Variants in TRDN observed in about 807,000 individuals in gnomAD.
TRDN encodes triadin in skeletal muscle.
A neutral mutation model predicts 149.7 loss-of-function variants in TRDN; 161 were observed. The observed-to-expected ratio is 1.08, with a 90% CI of 0.95 to 1.23. The LOEUF (loss-of-function observed/expected upper bound fraction) is 1.23, where lower values mean the gene tolerates loss of function less well. Ranked by LOEUF, TRDN falls within the 50% of genes most tolerant of loss-of-function variation. The probability of loss-of-function intolerance (pLI) is 0.00; values close to 1 mark genes in which losing one functional copy is unlikely to be tolerated. For synonymous variants in TRDN, 294 were observed against 250.5 expected (o/e 1.17, Z -1.64); for missense variants, 896 against 823.5 (o/e 1.09, Z -1.08).
intron 2 of TRDN, among the ~76,000 whole-genome samples, chr6:123,564,077 C>T (rs568394149): frequency 6.6e-6 from 1 of 152,208 alleles, no homozygotes; most frequent in East Asian, 1.9e-4. Context: ...TTATCTTTTT[C>T]CTCATTTCAT....
intron 19 of TRDN, among the ~76,000 whole-genome samples, chr6:123,372,161 T>A (rs1781349492): frequency 6.6e-6 from 1 of 151,940 alleles, no homozygotes; most frequent in African/African-American, 2.4e-5. Flanking sequence ...CCAGAGTATT[T>A]AAACTGAGTC....
chr6:123,336,097 T>C (rs77384942), intron 22 of TRDN, among the ~76,000 whole-genome samples: 8,039 of 151,394 alleles, frequency 0.053, 701 homozygotes, highest in African/African-American at 0.18. Context: ...ATAGTGTATG[T>C]CCAATGCATC....
chr6:123,296,882 C>A (rs992048957), intron 24 of TRDN, among the ~76,000 whole-genome samples: 2 of 151,896 alleles, frequency 1.3e-5, no homozygotes, highest in Non-Finnish European at 2.9e-5. Context: ...ATTTGGTAAA[C>A]AAGAATTGTC....
intron 5 of TRDN, among the ~76,000 whole-genome samples, chr6:123,527,195 T>C (rs2114318472): frequency 6.6e-6 from 1 of 152,194 alleles, no homozygotes; most frequent in South Asian, 2.1e-4. Context: ...TTTAGTTTAT[T>C]TATTAATTAG....
chr6:123,334,988 T>C (rs1373555065), intron 22 of TRDN, among the ~76,000 whole-genome samples: 1 of 152,018 alleles, frequency 6.6e-6, no homozygotes, highest in South Asian at 2.1e-4. Flanking sequence ...ACAACGCTAA[T>C]AAAATAAGTG....
At chr6:123,309,851 T>C (rs1778749741) in intron 24 of TRDN, among the ~76,000 whole-genome samples, 1 of 152,016 alleles carries the variant, frequency 6.6e-6, no homozygotes. Context: ...TACAAATATA[T>C]AAATCGATTA....
intron 4 of TRDN, among the ~76,000 whole-genome samples, chr6:123,538,254 T>C (rs1397812583): frequency 6.6e-6 from 1 of 152,190 alleles, no homozygotes; most frequent in Non-Finnish European, 1.5e-5. Context: ...TTTATTCACT[T>C]AAACATAGAA....
intron 4 of TRDN, 55 bp downstream of exon 4, chr6:123,547,285 A>T: frequency 9.0e-7 from 1 of 1,115,350 alleles, no homozygotes; most frequent in Non-Finnish European, 1.2e-6. Context: ...CCATGCTGAA[A>T]ACCAATATTA....
At chr6:123,393,285 A>G (rs564970637) in intron 13 of TRDN, among the ~76,000 whole-genome samples, 95 of 152,228 alleles carry the variant, frequency 6.2e-4, no homozygotes, top group Middle Eastern at 6.8e-3. Flanking sequence ...TGAAAATTAT[A>G]GAAAAGTGTA....
chr6:123,332,346 A>C (rs1779691374), intron 22 of TRDN, among the ~76,000 whole-genome samples: 1 of 152,046 alleles, frequency 6.6e-6, no homozygotes. Context: ...AAAATCCTGC[A>C]CATATCATGT....
At chr6:123,391,672 T>A (rs1772475544) in intron 13 of TRDN, among the ~76,000 whole-genome samples, 3 of 152,008 alleles carry the variant, frequency 2.0e-5, no homozygotes, top group Non-Finnish European at 1.5e-5. Context: ...ATAATAGTTA[T>A]AAATAAATAT....
intron 21 of TRDN, 118 bp downstream of exon 21, chr6:123,352,421 G>T: frequency 6.9e-7 from 1 of 1,459,102 alleles, no homozygotes; most frequent in South Asian, 1.5e-5. Context: ...CAAGGACAGT[G>T]ATAAAGAGTA....
intron 38 of TRDN, among the ~76,000 whole-genome samples, chr6:123,246,364 G>C (rs570721665): frequency 6.6e-6 from 1 of 151,864 alleles, no homozygotes; most frequent in African/African-American, 2.4e-5. Flanking sequence ...AAAGAAAGAA[G>C]AATCAAATAG....
chr6:123,627,397 G>A (rs1411408625), intron 1 of TRDN, among the ~76,000 whole-genome samples: 2 of 152,080 alleles, frequency 1.3e-5, no homozygotes, highest in Non-Finnish European at 2.9e-5. Flanking sequence ...AAATACTTTG[G>A]AAGAATTTTT....
At chr6:123,278,427 A>G (rs943898381) in intron 25 of TRDN, 80 bp from the exon 26 acceptor site, 2 of 907,608 alleles carry the variant, frequency 2.2e-6, no homozygotes, top group Admixed American at 8.7e-5. Context: ...ATTTATTTTT[A>G]TATAATTATT....
At chr6:123,398,720 C>T (rs73771947) in intron 12 of TRDN, among the ~76,000 whole-genome samples, 23,049 of 152,060 alleles carry the variant, frequency 0.15, 1,817 homozygotes, top group African/African-American at 0.21. Context: ...TGATAATTAC[C>T]CTATTGAGAT....
intron 4 of TRDN, among the ~76,000 whole-genome samples, chr6:123,534,313 T>A (rs1204115538): frequency 2.6e-5 from 4 of 152,132 alleles, no homozygotes; most frequent in African/African-American, 7.2e-5. Flanking sequence ...AGACAAAAAA[T>A]TATTTCTGAT....
At chr6:123,605,830 T>G (rs543581140) in intron 1 of TRDN, among the ~76,000 whole-genome samples, 2 of 152,230 alleles carry the variant, frequency 1.3e-5, no homozygotes, top group African/African-American at 4.8e-5. Context: ...TTTGTAAAAT[T>G]TATAACCATA....
At chr6:123,349,267 T>C (rs1316504129) in intron 21 of TRDN, among the ~76,000 whole-genome samples, 3 of 152,122 alleles carry the variant, frequency 2.0e-5, no homozygotes, top group Non-Finnish European at 4.4e-5. Flanking sequence ...GAGTTGCTAA[T>C]GGTTCTCTTG....
Sources: allele counts gnomAD v4.1 joint callset (sites outside exome capture counted in the v4.1 genomes callset), GRCh38; gene constraint gnomAD v4.1.1; transcripts MANE v1.5; gene names NCBI Gene and HGNC (gene_info 2026-07-23, HGNC 2026-07-21).